LIN54: variants seen among roughly 807,000 people sequenced by gnomAD.
LIN54 encodes lin-54 DREAM MuvB core complex component, also known as protein lin-54 homolog.
In LIN54, 9 loss-of-function variants were observed where a neutral mutation model predicts 78.7. The ratio of observed to expected loss-of-function variants is 0.11; its 90% CI spans 0.07 to 0.20. The LOEUF is 0.20. LIN54 is among the 10% of genes least tolerant of loss of function. The pLI, the probability that LIN54 is intolerant of heterozygous loss-of-function variation, is 1.00. For synonymous variants in LIN54, 269 were observed against 318.4 expected, an observed-to-expected ratio of 0.84 and a Z score of 1.65; for missense variants, 573 against 889.9, an observed-to-expected ratio of 0.64 and a Z score of 4.53.
intron 4 of LIN54, among the ~76,000 whole-genome samples, chr4:82,965,943 G>A (rs975534510): frequency 1.3e-5 from 2 of 152,110 alleles, no homozygotes; most frequent in African/African-American, 4.8e-5. Context: ...AGTCATTTTC[G>A]TAATTGACTT....
chr4:82,975,668 C>T (rs1181954863), intron 3 of LIN54, among the ~76,000 whole-genome samples: 1 of 151,228 alleles, frequency 6.6e-6, no homozygotes, highest in Non-Finnish European at 1.5e-5. Flanking sequence ...GCCGAGATCG[C>T]GCCATTGCAC....
At chr4:82,939,253 T>G (rs1037504054) in intron 7 of LIN54, among the ~76,000 whole-genome samples, 2 of 152,218 alleles carry the variant, frequency 1.3e-5, no homozygotes, top group Non-Finnish European at 2.9e-5. Flanking sequence ...ACTCTGCTGA[T>G]TTTAACTTCA....
chr4:82,941,148 G>GGA (rs1553947728), intron 5 of LIN54, among the ~76,000 whole-genome samples: 2 of 30,174 alleles, frequency 6.6e-5, no homozygotes, highest in Non-Finnish European at 1.3e-4. Context: ...GGAGTTAAGA[G>GGA]GATATATATA....
Position 82,947,235 on chromosome 4 carries a change from A to ATTTT in LIN54, c.952-765_952-762dup, listed in dbSNP as rs34511957. 6.4e-3 allele frequency among the ~76,000 whole-genome samples: 285 copies of ATTTT among 44,242 alleles called. 8 individuals are homozygous for ATTTT. Among genetic ancestry groups the ATTTT allele is most frequent in the Non-Finnish European group, 7.3e-3 (199 of 27,246 alleles). The allele number at this position is 44,242 out of a possible 152,430, so 29.0% of individuals were successfully genotyped here. On this transcript the variant is annotated intron_variant, in intron 4 of 12. Transcript: ENST00000340417. The stretch of plus-strand genomic sequence containing the variant: ...TATATATATATATATATATATATAT[A>ATTTT]TTTTTTTTTTTTTTGAAGACAGGGT...
chr4:83,010,847 C>G, upstream of LIN54: 2 of 1,224,650 alleles, frequency 1.6e-6, no homozygotes, highest in Non-Finnish European at 2.0e-6. Flanking sequence ...CTCCTCCTCC[C>G]CTCCCCGCCC....
At chr4:82,996,643 A>ATCTG (rs1434929225) in intron 1 of LIN54, among the ~76,000 whole-genome samples, 31 of 152,050 alleles carry the variant, frequency 2.0e-4, no homozygotes, top group Non-Finnish European at 4.1e-4. Context: ...TGACCTCATG[A>ATCTG]TCCACCCATC....
chr4:82,957,859 T>G (rs1479745253), intron 4 of LIN54, among the ~76,000 whole-genome samples: 1 of 152,110 alleles, frequency 6.6e-6, no homozygotes, highest in East Asian at 1.9e-4. Context: ...CTCTACTGAT[T>G]CCCCAAAAAG....
chr4:82,954,488 G>C (rs1290229752), intron 4 of LIN54, among the ~76,000 whole-genome samples: 1 of 151,638 alleles, frequency 6.6e-6, no homozygotes, highest in Non-Finnish European at 1.5e-5. Flanking sequence ...TGTGATCTTG[G>C]CTCACTGCAA....
intron 2 of LIN54, among the ~76,000 whole-genome samples, chr4:82,980,352 T>A (rs954269559): frequency 6.6e-6 from 1 of 152,212 alleles, no homozygotes; most frequent in Admixed American, 6.5e-5. Flanking sequence ...CTATTTATTA[T>A]AGGAAATAGT....
chr4:82,950,419 T>A (rs150535465), intron 4 of LIN54, among the ~76,000 whole-genome samples: 238 of 152,318 alleles, frequency 1.6e-3, no homozygotes, highest in African/African-American at 5.5e-3. Context: ...ACTTAAAAAC[T>A]GAAAAAGACA....
chr4:83,011,181 C>T (rs986873848), upstream of LIN54, among the ~76,000 whole-genome samples: 5 of 152,164 alleles, frequency 3.3e-5, no homozygotes, highest in African/African-American at 1.2e-4. Context: ...ATCTCAGGCA[C>T]TAAAAACACT....
At position 82,927,920 on chromosome 4, in the gene LIN54, C is replaced by T; in HGVS notation, c.*182G>A. ...TTAGAAGGGGCATAAGCAGATTTAACTAAGATTTAAAATGTACTAATTTCC... is the reference window on the plus strand; with the variant it reads ...TTAGAAGGGGCATAAGCAGATTTAATTAAGATTTAAAATGTACTAATTTCC... On this transcript the variant is annotated 3_prime_UTR_variant, in exon 13 of 13. Transcript: ENST00000340417. 3.5e-6 allele frequency: 2 copies of T among 574,624 alleles called. No individual in the cohort carries two copies. The highest frequency in any genetic ancestry group is 6.2e-6 in the Non-Finnish European group (2 of 325,188). 35.6% of individuals were successfully genotyped at this position (574,624 alleles called of 1,614,324 possible).
rs1721371099 is a variant in LIN54 at position 82,925,241 on chromosome 4, ACT to A, written c.*2859_*2860del. ...ATTTTTGTTTTTGAGACAAGGTCTC[ACT>A]CTGATTGCCAGGCTGGAGTGCAGTG... On this transcript the variant is annotated 3_prime_UTR_variant, in exon 13 of 13. Transcript: ENST00000340417. The A allele has an allele frequency of 6.6e-6, 1 of 152,294 alleles. No individual in the cohort carries two copies. Among genetic ancestry groups the A allele is most frequent in the African/African-American group, 2.4e-5 (1 of 41,458 alleles). The allele number at this position is 152,294 out of a possible 1,614,324, so 9.4% of individuals were successfully genotyped here.
chr4:82,933,111 AACTGGGTT>A (rs1305360135), intron 11 of LIN54, among the ~76,000 whole-genome samples: 1 of 151,902 alleles, frequency 6.6e-6, no homozygotes, highest in African/African-American at 2.4e-5. Context: ...AGTTTGTGTT[AACTGGGTT>A]ACTGTGAGCC....
In LIN54 at chr4:82,984,800, T is replaced by G; in HGVS notation, c.45A>C (p.Glu15Asp). The G allele has an allele frequency of 6.2e-7, 1 of 1,613,760 alleles. No homozygotes were observed. Among genetic ancestry groups the G allele is most frequent in the Non-Finnish European group, 8.5e-7 (1 of 1,179,976 alleles). Residue 15 changes from glutamate (E) to aspartate (D), a missense_variant, in exon 2 of 13, where the codon GAA becomes GAC. Physicochemically the swap from Glu to Asp is conservative, Grantham distance 45. This residue lies in a region of LIN54 where 183 missense variants were observed against 228.4 expected (regional missense o/e 0.80). Transcript: ENST00000340417. ...CTAAAGTTATACCAGTGTCCATTAT[T>G]TCCTCTGGAAGCAAACTATTCACCT... Reference protein sequence around the residue: ...PAEVNSLLPEEIMDTGITLVD... With the variant: ...PAEVNSLLPEDIMDTGITLVD...
chr4:83,011,852 T>G (rs1224454847), upstream of LIN54, among the ~76,000 whole-genome samples: 1 of 150,530 alleles, frequency 6.6e-6, no homozygotes, highest in African/African-American at 2.4e-5. Flanking sequence ...TTGTCAATTT[T>G]AGAAAGAGTT....
chr4:82,975,816 T>C (rs891800752), intron 3 of LIN54, among the ~76,000 whole-genome samples: 5 of 151,946 alleles, frequency 3.3e-5, no homozygotes, highest in African/African-American at 1.2e-4. Flanking sequence ...AGATTTATAA[T>C]ACAGTATGAC....
chr4:82,935,616 A>T (rs1722337596), intron 11 of LIN54, among the ~76,000 whole-genome samples: 1 of 152,146 alleles, frequency 6.6e-6, no homozygotes, highest in Non-Finnish European at 1.5e-5. Context: ...TGTGAAGAAC[A>T]GTAAGTAGAA....
Position 82,946,457 on chromosome 4 carries a change from C to T in LIN54, c.969G>A (p.Val323=). Residue 323 remains valine, a synonymous_variant, in exon 5 of 13, where the codon GTG becomes GTA. Transcript: ENST00000340417. The stretch of plus-strand genomic sequence containing the variant: ...TCACTCCTCCAACAGTGATGGTCTG[C>T]ACAGTTGATTTCACTGCCTATTAAA... ...KSPNKAVKST[V]QTITVGGVST... is the part of the protein sequence containing the mutation. 6.2e-7 allele frequency: 1 copy of T among 1,613,504 alleles called. No homozygotes were observed. Among genetic ancestry groups the T allele is most frequent in the Non-Finnish European group, 8.5e-7 (1 of 1,179,414 alleles).
Sources: allele counts gnomAD v4.1 joint callset (sites outside exome capture counted in the v4.1 genomes callset), GRCh38; gene constraint gnomAD v4.1.1; regional missense constraint gnomAD v4.1.1; transcripts MANE v1.5; gene names NCBI Gene and HGNC (gene_info 2026-07-23, HGNC 2026-07-21).